TMC1: variants seen among roughly 807,000 people sequenced by gnomAD.
The protein encoded by TMC1 is transmembrane channel like 1.
Under a neutral mutation model 105.8 loss-of-function variants are expected in TMC1, and 84 were observed. The observed-to-expected ratio is 0.79, with a 90% CI of 0.67 to 0.95. The LOEUF is 0.95. Among genes scored for constraint, TMC1 ranks in the 40% least tolerant of loss-of-function variants. TMC1 has a pLI of 0.00. For synonymous variants in TMC1, 315 were observed against 311.5 expected, an observed-to-expected ratio of 1.01 and a Z score of -0.12; for missense variants, 817 against 914.1, an observed-to-expected ratio of 0.89 and a Z score of 1.37.
intron 1 of TMC1, among the ~76,000 whole-genome samples, chr9:72,525,537 G>GA (rs1467079024): frequency 6.6e-6 from 1 of 152,174 alleles, no homozygotes; most frequent in African/African-American, 2.4e-5. Flanking sequence ...ATTCCACCCA[G>GA]AAAGAAACAC....
intron 6 of TMC1, among the ~76,000 whole-genome samples, chr9:72,693,402 G>C (rs1826501090): frequency 6.6e-6 from 1 of 152,170 alleles, no homozygotes; most frequent in African/African-American, 2.4e-5. Context: ...TTGTACAAAT[G>C]AAGGCAAAGT....
At chr9:72,774,536 G>T (rs1016293590) in intron 13 of TMC1, among the ~76,000 whole-genome samples, 6 of 152,074 alleles carry the variant, frequency 3.9e-5, no homozygotes, top group Non-Finnish European at 7.4e-5. Context: ...GGAAGTAGTG[G>T]CTTTTTCAAA....
At chr9:72,586,342 G>A (rs1309743758) in intron 2 of TMC1, among the ~76,000 whole-genome samples, 7 of 152,144 alleles carry the variant, frequency 4.6e-5, no homozygotes. Context: ...GCTTGAACTA[G>A]CTTTCTGTCT....
intron 3 of TMC1, among the ~76,000 whole-genome samples, chr9:72,627,168 C>G (rs866033746): frequency 6.6e-6 from 1 of 151,840 alleles, no homozygotes; most frequent in Non-Finnish European, 1.5e-5. Context: ...GTAATTACTT[C>G]AGAAAAACAG....
chr9:72,534,279 T>C (rs922969998), intron 1 of TMC1, among the ~76,000 whole-genome samples: 12 of 152,210 alleles, frequency 7.9e-5, no homozygotes, highest in African/African-American at 2.9e-4. Flanking sequence ...CTAGGTCTGA[T>C]GCTTTCCCTG....
chr9:72,651,317 C>T (rs1588012800), intron 5 of TMC1: 1 of 152,016 alleles, frequency 6.6e-6, no homozygotes, highest in Admixed American at 6.6e-5. Context: ...ATGCTGTTTT[C>T]ACTCCATGGA....
At chr9:72,571,042 G>A (rs1433159704) in intron 1 of TMC1, among the ~76,000 whole-genome samples, 1 of 149,646 alleles carries the variant, frequency 6.7e-6, no homozygotes, top group Non-Finnish European at 1.5e-5. Flanking sequence ...CCCAATTATG[G>A]CTGGGCATGG....
intron 1 of TMC1, among the ~76,000 whole-genome samples, chr9:72,537,398 C>T (rs1823603381): frequency 6.6e-6 from 1 of 152,210 alleles, no homozygotes; most frequent in African/African-American, 2.4e-5. Context: ...TCTTCATCTA[C>T]CACAGGGCCA....
intron 5 of TMC1, among the ~76,000 whole-genome samples, chr9:72,680,403 G>A (rs983444693): frequency 1.6e-4 from 24 of 151,980 alleles, no homozygotes; most frequent in African/African-American, 5.6e-4. Context: ...ATTAAGTGTT[G>A]ACTGTGTTAA....
At chr9:72,658,304 C>T (rs932420121) in intron 5 of TMC1, among the ~76,000 whole-genome samples, 10 of 150,904 alleles carry the variant, frequency 6.6e-5, no homozygotes, top group African/African-American at 2.2e-4. Context: ...TGTATTTTTT[C>T]ACCTGGGTGA....
chr9:72,789,537 G>A (rs1828229856), intron 15 of TMC1, among the ~76,000 whole-genome samples: 1 of 152,100 alleles, frequency 6.6e-6, no homozygotes, highest in Admixed American at 6.5e-5. Context: ...GAAAGTTAGA[G>A]TCAGAAAAGA....
intron 2 of TMC1, among the ~76,000 whole-genome samples, chr9:72,588,852 C>T (rs1360579201): frequency 6.6e-6 from 1 of 151,500 alleles, no homozygotes; most frequent in Non-Finnish European, 1.5e-5. Context: ...CTCGGCTCAC[C>T]ACGACCTCTG....
intron 12 of TMC1, among the ~76,000 whole-genome samples, chr9:72,771,640 G>A (rs1258759670): frequency 5.3e-5 from 8 of 152,194 alleles, no homozygotes; most frequent in Admixed American, 5.2e-4. Flanking sequence ...GTGGATAGCT[G>A]TAGTGATACA....
Position 72,688,728 on chromosome 9 carries a change from A to G in TMC1, c.36A>G (p.Glu12=). ...SPKKVQIKVE[E]KEDETEESSS... ...CAACAGTACAAATCAAAGTGGAGGA[A>G]AAAGAAGACGAGACTGAGGAAAGCT... Residue 12 remains glutamate (E), a synonymous_variant, in exon 6 of 24, where the codon GAA becomes GAG. Transcript: ENST00000297784. The G allele has an allele frequency of 6.2e-7, 1 of 1,612,132 alleles. No homozygotes were observed. Among genetic ancestry groups the G allele is most frequent in the East Asian group, 2.2e-5 (1 of 44,748 alleles).
intron 17 of TMC1, 123 bp from the exon 18 acceptor site, chr9:72,805,259 T>A (rs1828552186): frequency 1.1e-6 from 1 of 941,218 alleles, no homozygotes; most frequent in African/African-American, 1.6e-5. Flanking sequence ...GTTGTTTTCT[T>A]CTTTTGCCAT....
At chr9:72,805,240 A>G in intron 17 of TMC1, 142 bp from the exon 18 acceptor site, 2 of 701,392 alleles carry the variant, frequency 2.9e-6, no homozygotes, top group Admixed American at 4.7e-5. Context: ...TATTTACTTG[A>G]TATGACTAGT....
intron 4 of TMC1, among the ~76,000 whole-genome samples, chr9:72,637,059 T>C (rs960974505): frequency 6.6e-6 from 1 of 152,002 alleles, no homozygotes; most frequent in Non-Finnish European, 1.5e-5. Context: ...CTTTTTTTTT[T>C]TTCAATCAAC....
intron 3 of TMC1, among the ~76,000 whole-genome samples, chr9:72,621,529 A>G (rs1380114744): frequency 6.6e-6 from 1 of 152,198 alleles, no homozygotes; most frequent in Non-Finnish European, 1.5e-5. Context: ...CTCATGTAAG[A>G]TTAAAAAAAA....
intron 1 of TMC1, among the ~76,000 whole-genome samples, chr9:72,547,146 G>C (rs887515341): frequency 1.3e-5 from 2 of 152,162 alleles, no homozygotes; most frequent in African/African-American, 4.8e-5. Context: ...AATCAGCTGG[G>C]TGCGTTGGCG....
Sources: gnomAD v4.1 joint callset for allele counts (sites outside exome capture counted in the v4.1 genomes callset) on GRCh38, gnomAD v4.1.1 for gene constraint, MANE v1.5 for transcripts, NCBI Gene and HGNC (gene_info 2026-07-23, HGNC 2026-07-21) for gene names.